The following SGPP2 variants were observed in gnomAD, a reference collection of about 807,000 sequenced individuals.
SGPP2 encodes sphingosine 1-phosphate phosphohydrolase 2.
In SGPP2, 30 loss-of-function variants were observed where a neutral mutation model predicts 33.9. That is an observed-to-expected ratio of 0.89 (90% CI 0.66 to 1.20). SGPP2 has a LOEUF of 1.20. Among genes scored for constraint, SGPP2 ranks in the 50% most tolerant of loss-of-function variants. The pLI, the probability that SGPP2 is intolerant of heterozygous loss-of-function variation, is 0.00. For synonymous variants in SGPP2, 233 were observed against 225.0 expected, an observed-to-expected ratio of 1.04 and a Z score of -0.32; for missense variants, 458 against 532.1, an observed-to-expected ratio of 0.86 and a Z score of 1.37.
intron 2 of SGPP2, among the ~76,000 whole-genome samples, chr2:222,508,731 C>T (rs1406139267): frequency 6.6e-6 from 1 of 152,156 alleles, no homozygotes; most frequent in Non-Finnish European, 1.5e-5. Flanking sequence ...TAATTTTTCT[C>T]ATCTACTCTT....
intron 4 of SGPP2, among the ~76,000 whole-genome samples, chr2:222,538,892 C>A (rs1698953247): frequency 6.6e-6 from 1 of 152,188 alleles, no homozygotes; most frequent in Non-Finnish European, 1.5e-5. Flanking sequence ...TCACCTCCCA[C>A]CAGGTCCCAC....
rs190079242 is a variant in SGPP2, at chr2:222,444,159, G to A, written c.219+19338G>A. On this transcript the variant is annotated intron_variant, in intron 1 of 4. Transcript: ENST00000321276. ...TTGTTGTAGAGCATGGGTGATGGGA[G>A]ACAAGGGACCTTGGGACCATACAGA... 7.2e-5 allele frequency among the ~76,000 whole-genome samples: 11 copies of A among 152,350 alleles called. No homozygotes were observed. The East Asian group carries it at 2.1e-3, about 29-fold the overall frequency.
At chr2:222,427,323 C>G (rs1486793391) in intron 1 of SGPP2, among the ~76,000 whole-genome samples, 1 of 152,126 alleles carries the variant, frequency 6.6e-6, no homozygotes, top group African/African-American at 2.4e-5. Context: ...TGCAGTGGCA[C>G]AATCATAAGT....
Position 222,558,674 on chromosome 2 carries a change from A to C in SGPP2, c.976A>C (p.Thr326Pro). 1 of 1,614,146 alleles carries C rather than the reference A, an allele frequency of 6.2e-7. No homozygotes were observed. Among genetic ancestry groups the C allele is most frequent in the Non-Finnish European group, 8.5e-7 (1 of 1,180,018 alleles). Residue 326 changes from threonine (T) to proline (P), a missense_variant, in exon 5 of 5, where the codon ACC becomes CCC. Thr to Pro is a conservative substitution (Grantham distance 38). Coordinates refer to ENST00000321276, the MANE Select transcript of SGPP2 (RefSeq NM_152386.4). ...CACCTACATGTTAGTTTTGGGTCTG[A>C]CCAAATTTGCAGTGGGAATTGTGTT... ...LTTYMLVLGL[T>P]KFAVGIVLIL...
intron 1 of SGPP2, among the ~76,000 whole-genome samples, chr2:222,433,611 A>T (rs1697191575): frequency 6.6e-6 from 1 of 152,084 alleles, no homozygotes; most frequent in African/African-American, 2.4e-5. Context: ...CAGAAATTTG[A>T]TCACCTGCCC....
At chr2:222,532,044 A>AAG in intron 4 of SGPP2, among the ~76,000 whole-genome samples, 1 of 152,258 alleles carries the variant, frequency 6.6e-6, no homozygotes, top group African/African-American at 2.4e-5. Context: ...AGGCCGAGGC[A>AAG]GGTGGATCAC....
At chr2:222,529,420 C>T (rs1559171210) in intron 4 of SGPP2, among the ~76,000 whole-genome samples, 2 of 152,058 alleles carry the variant, frequency 1.3e-5, no homozygotes, top group South Asian at 4.2e-4. Flanking sequence ...CTGCAACCTC[C>T]GTCTCCCGGG....
At chr2:222,537,477 T>C (rs1019251025) in intron 4 of SGPP2, among the ~76,000 whole-genome samples, 7 of 152,164 alleles carry the variant, frequency 4.6e-5, no homozygotes, top group Non-Finnish European at 1.0e-4. Flanking sequence ...TCCACATGTA[T>C]GTATAGAGAT....
intron 2 of SGPP2, among the ~76,000 whole-genome samples, chr2:222,488,651 T>C (rs1029315002): frequency 2.0e-5 from 3 of 152,044 alleles, no homozygotes; most frequent in African/African-American, 7.2e-5. Flanking sequence ...GCCCAAAGGG[T>C]ATGGAATTCC....
rs540145089 is a variant in SGPP2, at chr2:222,558,889, A to G, written c.1191A>G (p.Gly397=). ...TFVPMLHRFL[G]LP ...TGCCGATGCTTCACAGGTTTCTGGGATTACCCTGAGTCTCAAACAGTTGGA... is the reference window on the plus strand; with the variant it reads ...TGCCGATGCTTCACAGGTTTCTGGGGTTACCCTGAGTCTCAAACAGTTGGA... Residue 397 remains glycine (G), a synonymous_variant, in exon 5 of 5, where the codon GGA becomes GGG. Coordinates refer to ENST00000321276, the MANE Select transcript of SGPP2 (RefSeq NM_152386.4). The G allele has an allele frequency of 1.2e-6, 2 of 1,604,990 alleles. No homozygotes were observed. Among genetic ancestry groups the G allele is most frequent in the South Asian group, 2.2e-5 (2 of 90,948 alleles).
intron 2 of SGPP2, among the ~76,000 whole-genome samples, chr2:222,478,291 G>GTA (rs1049733565): frequency 6.6e-6 from 1 of 150,984 alleles, no homozygotes; most frequent in African/African-American, 2.4e-5. Flanking sequence ...GTGTGTGTGT[G>GTA]TGTGTATACG....
rs949694537 is a variant in SGPP2 at position 222,560,001 on chromosome 2, C to G, written c.*1103C>G. Reference sequence around the variant, plus strand: ...TGACCCATGAAACCAACTGGCTGCTCACACATCACCAAACAGGTTGGGGGT... The same window carrying G: ...TGACCCATGAAACCAACTGGCTGCTGACACATCACCAAACAGGTTGGGGGT... On this transcript the variant is annotated 3_prime_UTR_variant, in exon 5 of 5. Transcript: ENST00000321276. 5.3e-5 allele frequency: 8 copies of G among 152,318 alleles called. No homozygotes were observed. Among genetic ancestry groups the G allele is most frequent in the African/African-American group, 1.4e-4 (6 of 41,464 alleles). 9.4% of individuals were successfully genotyped at this position (152,318 alleles called of 1,614,324 possible).
intron 1 of SGPP2, among the ~76,000 whole-genome samples, chr2:222,436,080 G>A (rs1312537419): frequency 6.6e-6 from 1 of 152,178 alleles, no homozygotes; most frequent in African/African-American, 2.4e-5. Context: ...CTGTTGTGAA[G>A]TATCATCTTG....
intron 1 of SGPP2, among the ~76,000 whole-genome samples, chr2:222,449,908 T>C (rs1697457584): frequency 6.6e-6 from 1 of 152,190 alleles, no homozygotes; most frequent in Non-Finnish European, 1.5e-5. Flanking sequence ...CTAGCAAGTA[T>C]GGGAATGAGC....
intron 1 of SGPP2, among the ~76,000 whole-genome samples, chr2:222,441,663 C>T (rs1341299715): frequency 6.6e-6 from 1 of 151,998 alleles, no homozygotes; most frequent in African/African-American, 2.4e-5. Context: ...TTTCTGTATA[C>T]TCTGCATTGT....
At chr2:222,447,974 A>G (rs984441680) in intron 1 of SGPP2, among the ~76,000 whole-genome samples, 2 of 152,208 alleles carry the variant, frequency 1.3e-5, no homozygotes, top group South Asian at 4.1e-4. Context: ...TATCTCCAAC[A>G]CCACGAAGCA....
intron 4 of SGPP2, among the ~76,000 whole-genome samples, chr2:222,553,576 C>T (rs1689334980): frequency 6.6e-6 from 1 of 152,136 alleles, no homozygotes; most frequent in African/African-American, 2.4e-5. Context: ...GCATTTTAAC[C>T]ATCTTCCTAG....
intron 1 of SGPP2, among the ~76,000 whole-genome samples, chr2:222,437,772 T>G (rs1697266620): frequency 1.3e-5 from 2 of 152,176 alleles, no homozygotes; most frequent in African/African-American, 4.8e-5. Flanking sequence ...ATCTTCAGTT[T>G]CCACCAAAGC....
intron 2 of SGPP2, among the ~76,000 whole-genome samples, chr2:222,511,600 C>A (rs892211401): frequency 5.9e-5 from 9 of 152,162 alleles, no homozygotes; most frequent in Non-Finnish European, 1.3e-4. Context: ...CAGAGAAAAG[C>A]CCTCCACTTA....
Sources: gnomAD v4.1 joint callset for allele counts (sites outside exome capture counted in the v4.1 genomes callset) on GRCh38, gnomAD v4.1.1 for gene constraint, MANE v1.5 for transcripts, NCBI Gene and HGNC (gene_info 2026-07-23, HGNC 2026-07-21) for gene names.